Variants in CHCHD3 observed in about 807,000 individuals in gnomAD.
CHCHD3 encodes the protein coiled-coil-helix-coiled-coil-helix domain containing 3.
In CHCHD3, 20 loss-of-function variants were observed where a neutral mutation model predicts 38.2. That is an observed-to-expected ratio of 0.52 (90% CI 0.37 to 0.76). The LOEUF (loss-of-function observed/expected upper bound fraction) is 0.76. Ranked by LOEUF, CHCHD3 falls within the 30% of genes least tolerant of loss-of-function variation. The pLI is 0.00. For missense variants in CHCHD3, 245 were observed against 279.2 expected (o/e 0.88, Z 0.87); for synonymous variants, 82 against 100.0 (o/e 0.82, Z 1.07).
At chr7:133,043,221 A>C (rs1813880625) in intron 2 of CHCHD3, among the ~76,000 whole-genome samples, 1 of 152,198 alleles carries the variant, frequency 6.6e-6, no homozygotes, top group Non-Finnish European at 1.5e-5. Flanking sequence ...TATCAAGATA[A>C]AATTTAACTT....
chr7:133,055,868 G>A (rs1814315734), intron 2 of CHCHD3, among the ~76,000 whole-genome samples: 1 of 151,862 alleles, frequency 6.6e-6, no homozygotes, highest in South Asian at 2.1e-4. Flanking sequence ...ATAGAGCCAG[G>A]GCAGTGGCTC....
intron 3 of CHCHD3, among the ~76,000 whole-genome samples, chr7:132,997,889 C>T (rs912721413): frequency 2.6e-5 from 4 of 152,124 alleles, no homozygotes; most frequent in African/African-American, 7.2e-5. Context: ...CCAATACTGT[C>T]ATTTTATATG....
chr7:132,897,407 G>A (rs1158131468), intron 4 of CHCHD3, among the ~76,000 whole-genome samples: 1 of 152,148 alleles, frequency 6.6e-6, no homozygotes, highest in Non-Finnish European at 1.5e-5. Flanking sequence ...ACACTATTGG[G>A]ACCAATTGGC....
In CHCHD3 at chr7:133,035,448, G is replaced by A; in HGVS notation, c.170-10821C>T. 2 of 1,613,526 alleles carry A rather than the reference G, an allele frequency of 1.2e-6. No homozygotes were observed. Among genetic ancestry groups the A allele is most frequent in the Non-Finnish European group, 1.7e-6 (2 of 1,179,510 alleles). Reference sequence around the variant, plus strand: ...GCAGACAACTGTGATGTCAGCCAATGTCACTCGTTCGCCCACCAGAAAAGT... The same window carrying A: ...GCAGACAACTGTGATGTCAGCCAATATCACTCGTTCGCCCACCAGAAAAGT... On this transcript the variant is annotated intron_variant, in intron 2 of 7. Coordinates refer to ENST00000262570, the MANE Select transcript of CHCHD3 (RefSeq NM_017812.4). The surrounding 1 kb of genome is among the most constrained non-coding windows in gnomAD (Gnocchi z 4.7).
intron 5 of CHCHD3, among the ~76,000 whole-genome samples, chr7:132,852,908 A>G (rs1363246276): frequency 6.6e-6 from 1 of 152,220 alleles, no homozygotes; most frequent in Non-Finnish European, 1.5e-5. Flanking sequence ...GCCAACATAA[A>G]TAATTCATTC....
At chr7:132,940,895 GT>G (rs1357029571) in intron 4 of CHCHD3, among the ~76,000 whole-genome samples, 12 of 152,200 alleles carry the variant, frequency 7.9e-5, no homozygotes, top group Non-Finnish European at 1.5e-4. Context: ...CGCCCTGTCA[GT>G]TTTCATTTTT....
intron 4 of CHCHD3, among the ~76,000 whole-genome samples, chr7:132,886,618 G>GA (rs1207966503): frequency 6.6e-6 from 1 of 151,230 alleles, no homozygotes; most frequent in Non-Finnish European, 1.5e-5. Flanking sequence ...CAACTTATAA[G>GA]AAAGTGTGTG....
intron 2 of CHCHD3, among the ~76,000 whole-genome samples, chr7:133,028,101 T>G (rs1210807406): frequency 6.6e-6 from 1 of 152,178 alleles, no homozygotes; most frequent in African/African-American, 2.4e-5. Context: ...TAGCTCCATT[T>G]GTAGCAAAAA....
chr7:133,051,100 G>A (rs754591400), intron 2 of CHCHD3, among the ~76,000 whole-genome samples: 13 of 152,328 alleles, frequency 8.5e-5, no homozygotes, highest in Non-Finnish European at 1.2e-4. Context: ...ACTGCTCAAT[G>A]TTCTTGAAGA....
At chr7:132,966,872 G>A (rs1011298297) in intron 4 of CHCHD3, among the ~76,000 whole-genome samples, 1 of 152,162 alleles carries the variant, frequency 6.6e-6, no homozygotes, top group Non-Finnish European at 1.5e-5. Flanking sequence ...GTATTTCTTA[G>A]CCTCTTTAGT....
chr7:132,843,684 T>C (rs1022496497), intron 5 of CHCHD3, among the ~76,000 whole-genome samples: 9 of 152,212 alleles, frequency 5.9e-5, no homozygotes, highest in Admixed American at 6.5e-5. Flanking sequence ...AAGGTTGCTT[T>C]TGTTATCTCT....
At chr7:132,946,013 C>T (rs926244773) in intron 4 of CHCHD3, among the ~76,000 whole-genome samples, 7 of 151,838 alleles carry the variant, frequency 4.6e-5, no homozygotes, top group African/African-American at 7.2e-5. Flanking sequence ...TCCAAAGATA[C>T]ATTCAATAAT....
intron 5 of CHCHD3, among the ~76,000 whole-genome samples, chr7:132,879,289 C>T (rs527985259): frequency 5.3e-5 from 8 of 152,016 alleles, no homozygotes; most frequent in Admixed American, 2.0e-4. Flanking sequence ...TCTCAAAGAA[C>T]AAATGCATGC....
chr7:132,852,734 CT>C lies in CHCHD3; in HGVS notation c.454-14266del, dbSNP rs200936082. Reference sequence around the variant, plus strand: ...AAGTGTACAGACTACAGAAGGAGTCCTGTGAGGAAGGAGAAGTGTTGGTGGA... The same window carrying C: ...AAGTGTACAGACTACAGAAGGAGTCCGTGAGGAAGGAGAAGTGTTGGTGGA... On this transcript the variant is annotated intron_variant, in intron 5 of 7. Coordinates refer to ENST00000262570, the MANE Select transcript of CHCHD3 (RefSeq NM_017812.4). 6.9e-3 allele frequency among the ~76,000 whole-genome samples: 1,048 copies of C among 152,232 alleles called. 15 individuals are homozygous for C. The highest frequency in any genetic ancestry group is 0.024 in the African/African-American group (995 of 41,546).
intron 3 of CHCHD3, among the ~76,000 whole-genome samples, chr7:133,002,454 T>G (rs555226137): frequency 6.6e-6 from 1 of 152,250 alleles, no homozygotes; most frequent in Admixed American, 6.5e-5. Flanking sequence ...TCCTGAGATT[T>G]AGGTGGGTTT....
chr7:132,987,773 A>C (rs999416573), intron 3 of CHCHD3, among the ~76,000 whole-genome samples: 3 of 152,130 alleles, frequency 2.0e-5, no homozygotes. Context: ...AAAGCAAAAA[A>C]AGTCAGACAG....
At chr7:132,799,267 T>C (rs950719231) in intron 6 of CHCHD3, among the ~76,000 whole-genome samples, 2 of 152,154 alleles carry the variant, frequency 1.3e-5, no homozygotes, top group African/African-American at 4.8e-5. Context: ...TGTTTTCACT[T>C]TGGGAAAATG....
chr7:132,919,668 C>G (rs1349011398), intron 4 of CHCHD3, among the ~76,000 whole-genome samples: 2 of 152,158 alleles, frequency 1.3e-5, no homozygotes, highest in Non-Finnish European at 2.9e-5. Context: ...CCTCTATAAA[C>G]AACAAATGAG....
intron 3 of CHCHD3, among the ~76,000 whole-genome samples, chr7:132,997,659 T>TAAAAAAAAAAAAAAAAA (rs71178073): frequency 4.9e-5 from 4 of 81,740 alleles, no homozygotes; most frequent in African/African-American, 9.6e-5. Flanking sequence ...AACAGGGTTG[T>TAAAAAAAAAAAAAAAAA]AAAAAAAAAA....
Sources: gnomAD v4.1 joint callset for allele counts (sites outside exome capture counted in the v4.1 genomes callset) on GRCh38, gnomAD v4.1.1 for gene constraint, Gnocchi (gnomAD v3.1) non-coding constraint, MANE v1.5 for transcripts, NCBI Gene and HGNC (gene_info 2026-07-23, HGNC 2026-07-21) for gene names.